PPARG: variants seen among roughly 807,000 people sequenced by gnomAD.
The protein encoded by PPARG is peroxisome proliferator activated receptor gamma.
Under a neutral mutation model 39.2 loss-of-function variants are expected in PPARG, and 17 were observed. The ratio of observed to expected loss-of-function variants is 0.43; its 90% confidence interval spans 0.30 to 0.65. PPARG has a LOEUF of 0.65. PPARG is among the 30% of genes least tolerant of loss of function. The probability of loss-of-function intolerance (pLI) is 0.13; values close to 1 mark genes in which losing one functional copy is unlikely to be tolerated. For missense variants in PPARG, 406 were observed against 585.9 expected (o/e 0.69, Z 3.17); for synonymous variants, 223 against 215.7 (o/e 1.03, Z -0.30).
upstream of PPARG, chr3:12,287,784 G>GCGCCGC (rs1218481450): frequency 7.8e-6 from 1 of 128,634 alleles, no homozygotes; most frequent in East Asian, 2.4e-4. Flanking sequence ...TCCCAGTCGC[G>GCGCCGC]CGCCGCCGCC....
intron 2 of PPARG, among the ~76,000 whole-genome samples, chr3:12,369,393 G>C (rs6802327): frequency 1.3e-5 from 2 of 152,016 alleles, no homozygotes; most frequent in African/African-American, 4.8e-5. Flanking sequence ...TTGGGAGGCT[G>C]AAGTTGGAGG....
intron 2 of PPARG, among the ~76,000 whole-genome samples, chr3:12,352,359 A>G (rs1375512181): frequency 1.3e-5 from 2 of 152,226 alleles, no homozygotes; most frequent in African/African-American, 4.8e-5. Context: ...GCCTATTGCA[A>G]GTGACTACCT....
chr3:12,300,272 AT>A (rs1215003802), intron 1 of PPARG, among the ~76,000 whole-genome samples: 1 of 152,222 alleles, frequency 6.6e-6, no homozygotes, highest in Non-Finnish European at 1.5e-5. Flanking sequence ...ACCTATGAAC[AT>A]GACCTTATAA....
chr3:12,341,215 C>T (rs1210230150), intron 2 of PPARG, among the ~76,000 whole-genome samples: 4 of 151,564 alleles, frequency 2.6e-5, no homozygotes, highest in African/African-American at 7.3e-5. Context: ...ATTTGAAGAA[C>T]CATGGGATGG....
At chr3:12,381,138 C>T (rs1273626503) in intron 3 of PPARG, among the ~76,000 whole-genome samples, 184 bp from the exon 4 acceptor site, 2 of 152,114 alleles carry the variant, frequency 1.3e-5, no homozygotes, top group African/African-American at 2.4e-5. Flanking sequence ...GATGTTATAA[C>T]TTGCCTGTGA....
At chr3:12,339,211 A>G (rs1324337489) in intron 2 of PPARG, among the ~76,000 whole-genome samples, 4 of 152,304 alleles carry the variant, frequency 2.6e-5, no homozygotes, top group Non-Finnish European at 2.9e-5. Context: ...ACATGAGACC[A>G]TATATCATAT....
At chr3:12,413,423 G>GA (rs2050948261) in intron 6 of PPARG, among the ~76,000 whole-genome samples, 1 of 152,094 alleles carries the variant, frequency 6.6e-6, no homozygotes, top group Admixed American at 6.5e-5. Context: ...TATGACTAGG[G>GA]AAAAAATAAA....
At chr3:12,341,411 TAAAAG>T (rs1056640223) in intron 2 of PPARG, among the ~76,000 whole-genome samples, 4 of 152,194 alleles carry the variant, frequency 2.6e-5, no homozygotes, top group African/African-American at 9.6e-5. Context: ...ACCTTTTTAA[TAAAAG>T]AGAACAAATT....
At chr3:12,345,426 C>A (rs760605661) in intron 2 of PPARG, among the ~76,000 whole-genome samples, 4 of 152,190 alleles carry the variant, frequency 2.6e-5, no homozygotes, top group Non-Finnish European at 5.9e-5. Flanking sequence ...AAAATGCTTT[C>A]ATGCTGATGA....
chr3:12,383,901 G>A (rs2049775398), intron 4 of PPARG, among the ~76,000 whole-genome samples: 1 of 152,030 alleles, frequency 6.6e-6, no homozygotes. Context: ...ATTAGAAAGG[G>A]TAGAAAGCAG....
chr3:12,420,610 G>A (rs773973885), intron 7 of PPARG, among the ~76,000 whole-genome samples: 10 of 145,046 alleles, frequency 6.9e-5, no homozygotes, highest in East Asian at 3.9e-4. Context: ...CAAGATGTGC[G>A]TCATCTAAGA....
intron 7 of PPARG, among the ~76,000 whole-genome samples, chr3:12,417,690 G>C (rs769379143): frequency 2.0e-5 from 3 of 152,044 alleles, no homozygotes; most frequent in Non-Finnish European, 4.4e-5. Context: ...GGATTCCTCT[G>C]ATGGCTTCCC....
At chr3:12,321,011 A>G (rs943607178) in intron 2 of PPARG, among the ~76,000 whole-genome samples, 1 of 152,216 alleles carries the variant, frequency 6.6e-6, no homozygotes, top group Non-Finnish European at 1.5e-5. Context: ...AAGCTCCTTC[A>G]TTGTGTTAAT....
Position 12,310,667 on chromosome 3 carries a change from T to G in PPARG, c.-82-1713T>G, listed in dbSNP as rs1315720846. Among the ~76,000 whole-genome samples, 2 of 92,432 alleles carry G rather than the reference T, an allele frequency of 2.2e-5. 1 individual carries two copies. Among genetic ancestry groups the G allele is most frequent in the South Asian group, 6.4e-4 (2 of 3,112 alleles). 60.6% of individuals were successfully genotyped at this position (92,432 alleles called of 152,430 possible). ...TTTAGTAGAGACGGGGTTTCACCATTTTAGCCGGGATGGTCTCGATCTCCA... is the reference window on the plus strand; with the variant it reads ...TTTAGTAGAGACGGGGTTTCACCATGTTAGCCGGGATGGTCTCGATCTCCA... On this transcript the variant is annotated intron_variant, in intron 1 of 7. Coordinates refer to ENST00000651735, the MANE Select transcript of PPARG (RefSeq NM_138711.6).
At chr3:12,407,407 C>T (rs545257201) in intron 6 of PPARG, among the ~76,000 whole-genome samples, 17 of 152,110 alleles carry the variant, frequency 1.1e-4, no homozygotes, top group African/African-American at 3.1e-4. Context: ...GTGATCTGCC[C>T]GCCTCTGCCT....
At position 12,333,144 on chromosome 3, in the gene PPARG, A is replaced by T. The variant is rs188681541; in HGVS notation, c.-9+20691A>T. ...TAGCAATACCAAAGTGGGCCTTGTA[A>T]AAACAAACAAACAAACAAACAAAAA... On this transcript the variant is annotated intron_variant, in intron 2 of 7. Transcript: ENST00000651735. Among the ~76,000 whole-genome samples the T allele has an allele frequency of 3.2e-3, 481 of 152,248 alleles. 4 individuals are homozygous for T. Among genetic ancestry groups the T allele is most frequent in the African/African-American group, 0.011 (466 of 41,548 alleles).
At chr3:12,305,026 T>C (rs1448723281) in intron 1 of PPARG, among the ~76,000 whole-genome samples, 1 of 152,114 alleles carries the variant, frequency 6.6e-6, no homozygotes, top group Non-Finnish European at 1.5e-5. Context: ...TTCCTTCCTT[T>C]CTTCCTCTCT....
chr3:12,306,998 T>C (rs2047086155), intron 1 of PPARG, among the ~76,000 whole-genome samples: 1 of 148,038 alleles, frequency 6.8e-6, no homozygotes, highest in South Asian at 2.1e-4. Context: ...TTAGGGAGGC[T>C]GAGGCAGGAG....
At chr3:12,330,302 T>TAAAAAAA (rs67976990) in intron 2 of PPARG, among the ~76,000 whole-genome samples, 35 of 121,058 alleles carry the variant, frequency 2.9e-4, no homozygotes, top group African/African-American at 1.1e-3. Context: ...CACCTTTTTT[T>TAAAAAAA]AAAAAAAAAA....
Sources: gnomAD v4.1 joint callset for allele counts (sites outside exome capture counted in the v4.1 genomes callset) on GRCh38, gnomAD v4.1.1 for gene constraint, MANE v1.5 for transcripts, NCBI Gene and HGNC (gene_info 2026-07-23, HGNC 2026-07-21) for gene names.